MMP26: variants seen among roughly 807,000 people sequenced by gnomAD.
The protein encoded by MMP26 is matrix metalloproteinase-26.
In MMP26, 33 loss-of-function variants were observed where a neutral mutation model predicts 31.0. The observed-to-expected ratio is 1.06, with a 90% CI of 0.81 to 1.42. MMP26 has a LOEUF of 1.42. Among genes scored for constraint, MMP26 ranks in the 40% most tolerant of loss-of-function variants. MMP26 has a pLI of 0.00. For synonymous variants in MMP26, 122 were observed against 114.9 expected (o/e 1.06, Z -0.40); for missense variants, 347 against 316.1 (o/e 1.10, Z -0.74).
chr11:4,849,033 AG>A (rs1170441513), intron 2 of MMP26: 2 of 1,614,136 alleles, frequency 1.2e-6, no homozygotes, highest in Non-Finnish European at 1.7e-6. Context: ...GGCGGGCTGC[AG>A]GGCAATGATC....
At chr11:4,919,994 C>T (rs1323180301) in intron 2 of MMP26, among the ~76,000 whole-genome samples, 5 of 151,690 alleles carry the variant, frequency 3.3e-5, no homozygotes, top group Non-Finnish European at 7.4e-5. Context: ...TGAGATGAGC[C>T]CCTGCAAAAG....
chr11:4,706,722 C>A (rs772378629), intron 1 of MMP26, among the ~76,000 whole-genome samples: 1 of 151,842 alleles, frequency 6.6e-6, no homozygotes, highest in African/African-American at 2.4e-5. Flanking sequence ...GGAACTAATT[C>A]TTCTTTAGTA....
At chr11:4,766,787 T>A (rs7115878) in intron 1 of MMP26, among the ~76,000 whole-genome samples, 35,283 of 146,414 alleles carry the variant, frequency 0.24, 5,981 homozygotes, top group African/African-American at 0.48. Flanking sequence ...TCTCTCTCTC[T>A]TTCTCTATGA....
chr11:4,944,417 AT>A (rs1332872383), intron 2 of MMP26: 1 of 159,972 alleles, frequency 6.3e-6, no homozygotes, highest in Non-Finnish European at 1.4e-5. Flanking sequence ...TTGAGAGCAA[AT>A]TTTTAAAATG....
At chr11:4,769,379 T>C (rs1443531731) in intron 2 of MMP26, 3 of 1,613,844 alleles carry the variant, frequency 1.9e-6, no homozygotes, top group East Asian at 2.2e-5. Flanking sequence ...ATGGTAACAA[T>C]AGGAGTGAGA....
chr11:4,926,238 A>G (rs1035806186), intron 2 of MMP26, among the ~76,000 whole-genome samples: 1 of 152,160 alleles, frequency 6.6e-6, no homozygotes, highest in African/African-American at 2.4e-5. Context: ...AAAAAGGGAT[A>G]TAAAGAACGA....
chr11:4,883,273 G>A lies in MMP26; in HGVS notation c.-144-104795G>A, dbSNP rs185071974. Among the ~76,000 whole-genome samples the A allele has an allele frequency of 2.9e-4, 44 of 151,610 alleles. 1 individual carries two copies. The highest frequency in any genetic ancestry group is 2.0e-3 in the Admixed American group (31 of 15,258). On this transcript the variant is annotated intron_variant, in intron 2 of 7. Coordinates refer to ENST00000380390, the MANE Select transcript of MMP26 (RefSeq NM_021801.5). The stretch of plus-strand genomic sequence containing the variant: ...TCCCTGAGGTGATATTTCCAGTGAG[G>A]CAATGAAGGTTGTTACTTGAGCTGG...
intron 2 of MMP26, chr11:4,943,972 T>C: frequency 2.4e-6 from 1 of 409,136 alleles, no homozygotes; most frequent in Non-Finnish European, 4.8e-6. Flanking sequence ...CTCATCTTTT[T>C]AGTGGAAATG....
At chr11:4,988,033 T>C (rs1457887584) in intron 2 of MMP26, 35 bp from the exon 3 acceptor site, 2 of 638,624 alleles carry the variant, frequency 3.1e-6, no homozygotes, top group Non-Finnish European at 5.7e-6. Context: ...GCTGCTTTTG[T>C]CACCCTTGCA....
At chr11:4,820,036 A>G (rs1436609869) in intron 2 of MMP26, among the ~76,000 whole-genome samples, 1 of 152,176 alleles carries the variant, frequency 6.6e-6, no homozygotes, top group Admixed American at 6.6e-5. Context: ...TTCACATGGA[A>G]TTAACATTTG....
chr11:4,777,485 A>G (rs185641444), intron 2 of MMP26, among the ~76,000 whole-genome samples: 8 of 152,298 alleles, frequency 5.3e-5, no homozygotes, highest in African/African-American at 1.9e-4. Context: ...ATTGAAGTAT[A>G]CATACATCAC....
In MMP26 at chr11:4,895,583, A is replaced by G. The variant is rs138822846; in HGVS notation, c.-144-92485A>G. On this transcript the variant is annotated intron_variant, in intron 2 of 7. Transcript: ENST00000380390. ...AGTTGCATGATTTCTGAGATGAACA[A>G]TAGATAGGTGAAGTGAAGTGAATAG... is the stretch of plus-strand genomic sequence containing the variant. Among the ~76,000 whole-genome samples, 557 of 152,322 alleles carry G rather than the reference A, an allele frequency of 3.7e-3. 3 individuals are homozygous for G. Among genetic ancestry groups the G allele is most frequent in the African/African-American group, 8.2e-3 (340 of 41,570 alleles).
intron 2 of MMP26, among the ~76,000 whole-genome samples, chr11:4,910,510 C>G (rs1043028765): frequency 6.6e-6 from 1 of 152,042 alleles, no homozygotes; most frequent in Non-Finnish European, 1.5e-5. Flanking sequence ...TTCTCTTTAT[C>G]TATTTATTTC....
chr11:4,781,687 A>G (rs1848866286), intron 2 of MMP26, among the ~76,000 whole-genome samples: 1 of 150,876 alleles, frequency 6.6e-6, no homozygotes, highest in African/African-American at 2.4e-5. Flanking sequence ...TGTATAAAAT[A>G]CCACCCTGAT....
intron 2 of MMP26, chr11:4,859,822 G>C: frequency 2.1e-6 from 1 of 471,466 alleles, no homozygotes; most frequent in Non-Finnish European, 4.4e-6. Context: ...GAGCACGGTA[G>C]ACATGTGAGA....
At chr11:4,821,618 C>T in intron 2 of MMP26, 1 of 1,613,972 alleles carries the variant, frequency 6.2e-7, no homozygotes, top group Non-Finnish European at 8.5e-7. Flanking sequence ...TATTTCCTCT[C>T]TATGCTTTCA....
At chr11:4,845,623 A>G (rs12365187) in intron 2 of MMP26, among the ~76,000 whole-genome samples, 23,202 of 152,198 alleles carry the variant, frequency 0.15, 2,350 homozygotes, top group South Asian at 0.22. Flanking sequence ...AAGCTTCTGC[A>G]TAGCAAATAA....
intron 2 of MMP26, among the ~76,000 whole-genome samples, chr11:4,932,653 T>C (rs1417189307): frequency 6.6e-6 from 1 of 152,108 alleles, no homozygotes; most frequent in Non-Finnish European, 1.5e-5. Context: ...TCTGCACAAA[T>C]TACACAGCTA....
intron 2 of MMP26, chr11:4,914,217 T>A (rs73405090): frequency 0.057 from 8,804 of 155,716 alleles, 861 homozygotes; most frequent in African/African-American, 0.2. Context: ...CTGAGCCTAC[T>A]GGATGGAACA....
Sources: allele counts gnomAD v4.1 joint callset (sites outside exome capture counted in the v4.1 genomes callset), GRCh38; gene constraint gnomAD v4.1.1; transcripts MANE v1.5; gene names NCBI Gene and HGNC (gene_info 2026-07-23, HGNC 2026-07-21).